Variants in ARPP21 observed in about 807,000 individuals in gnomAD.
The protein encoded by ARPP21 is cAMP regulated phosphoprotein 21.
ARPP21 carries 69 observed loss-of-function variants against 113.2 expected under a neutral mutation model. That is an observed-to-expected ratio of 0.61 (90% CI 0.50 to 0.74). The LOEUF is 0.74. Ranked by LOEUF, ARPP21 falls within the 30% of genes least tolerant of loss-of-function variation. The pLI, the probability that ARPP21 is intolerant of heterozygous loss-of-function variation, is 0.00. For missense variants in ARPP21, 1,070 were observed against 1,037.4 expected (o/e 1.03, Z -0.43); for synonymous variants, 368 against 375.5 (o/e 0.98, Z 0.23).
chr3:35,691,133 T>C lies in ARPP21; in HGVS notation c.686+128T>C, dbSNP rs866882839. Reference sequence around the variant, plus strand: ...CAGTGTTATTTATCTCTTGCTCTTATCAGAAGTAGTGTGGCATTTATCTGT... The same window carrying C: ...CAGTGTTATTTATCTCTTGCTCTTACCAGAAGTAGTGTGGCATTTATCTGT... On this transcript the variant is annotated intron_variant, in intron 9 of 20. Transcript: ENST00000684406. 18 of 1,001,442 alleles carry C rather than the reference T, an allele frequency of 1.8e-5. 1 individual carries two copies. In the Middle Eastern group the frequency reaches 3.3e-3, roughly 186 times the overall value. The allele number at this position is 1,001,442 out of a possible 1,614,324, so 62.0% of individuals were successfully genotyped here. A position where few individuals can be genotyped will look rare whatever the true frequency, so the allele number is the denominator to read the frequency against.
intron 19 of ARPP21, among the ~76,000 whole-genome samples, chr3:35,756,866 C>T (rs1353087349): frequency 2.6e-5 from 4 of 152,152 alleles, no homozygotes; most frequent in South Asian, 4.1e-4. Context: ...TGCAGTAGAA[C>T]ACACATTTTG....
intron 19 of ARPP21, among the ~76,000 whole-genome samples, chr3:35,790,853 A>G (rs1420246298): frequency 6.6e-6 from 1 of 152,218 alleles, no homozygotes; most frequent in Admixed American, 6.5e-5. Flanking sequence ...CACTATGAAG[A>G]TAATTTAGGG....
At chr3:35,720,248 C>T (rs2092922287) in intron 13 of ARPP21, among the ~76,000 whole-genome samples, 1 of 152,196 alleles carries the variant, frequency 6.6e-6, no homozygotes, top group Admixed American at 6.5e-5. Context: ...ACCCCTTCCT[C>T]CCTTTGCTTT....
At chr3:35,749,810 C>T (rs1192409021) in intron 19 of ARPP21, among the ~76,000 whole-genome samples, 15 of 152,148 alleles carry the variant, frequency 9.9e-5, no homozygotes, top group African/African-American at 1.7e-4. Flanking sequence ...TTAAGGTCTT[C>T]GCCCATTTCT....
intron 10 of ARPP21, among the ~76,000 whole-genome samples, chr3:35,708,101 G>A (rs902147051): frequency 5.9e-5 from 9 of 151,644 alleles, no homozygotes; most frequent in African/African-American, 2.2e-4. Flanking sequence ...TTTGTATCTC[G>A]TTTCCTCCCA....
At chr3:35,669,274 T>G (rs1452078162) in intron 1 of ARPP21, among the ~76,000 whole-genome samples, 1 of 152,138 alleles carries the variant, frequency 6.6e-6, no homozygotes, top group African/African-American at 2.4e-5. Flanking sequence ...ACAAAAAGAT[T>G]CCACTTCTGA....
At chr3:35,762,126 T>TCTCTCTCA (rs1424526664) in intron 19 of ARPP21, among the ~76,000 whole-genome samples, 38 of 127,026 alleles carry the variant, frequency 3.0e-4, no homozygotes, top group African/African-American at 1.0e-3. Flanking sequence ...TCTCTCTCTC[T>TCTCTCTCA]CACACACACA....
chr3:35,687,485 CA>C (rs1242695905), intron 5 of ARPP21, among the ~76,000 whole-genome samples: 3 of 150,908 alleles, frequency 2.0e-5, no homozygotes, highest in African/African-American at 7.3e-5. Context: ...TACAGGAATT[CA>C]ACTTGGTTAA....
In ARPP21 at chr3:35,792,545, C is replaced by A; in HGVS notation, c.2286+15C>A. 1.9e-6 allele frequency: 3 copies of A among 1,613,720 alleles called. No individual in the cohort carries two copies. The highest frequency in any genetic ancestry group is 2.5e-6 in the Non-Finnish European group (3 of 1,179,710). ...CTTCTTATCAGGTGCTCATAAGCAG[C>A]TTGGAAAATTGTGGGTTTTAAAGTA... On this transcript the variant is annotated intron_variant, in intron 20 of 20. Transcript: ENST00000684406.
chr3:35,679,279 C>G (rs1252171110), intron 1 of ARPP21, among the ~76,000 whole-genome samples: 1 of 151,708 alleles, frequency 6.6e-6, no homozygotes, highest in Non-Finnish European at 1.5e-5. Flanking sequence ...TTTTTTTTAA[C>G]TTTTATAGAG....
At chr3:35,793,019 A>G (rs557125259) in intron 20 of ARPP21, among the ~76,000 whole-genome samples, 4 of 152,332 alleles carry the variant, frequency 2.6e-5, no homozygotes, top group African/African-American at 9.6e-5. Flanking sequence ...AAGTATTTTA[A>G]AAGTGTTATG....
intron 12 of ARPP21, 110 bp downstream of exon 12, chr3:35,715,586 T>TCTGC: frequency 5.3e-5 from 44 of 833,700 alleles, no homozygotes; most frequent in Non-Finnish European, 8.0e-5. Context: ...AATATATGTA[T>TCTGC]TAGCAGATAC....
chr3:35,731,753 T>C (rs2093991513), intron 15 of ARPP21, among the ~76,000 whole-genome samples: 1 of 152,132 alleles, frequency 6.6e-6, no homozygotes, highest in Non-Finnish European at 1.5e-5. Context: ...AACTCATCTT[T>C]TTCTGTCATT....
At chr3:35,667,906 A>AG (rs1200571388) in intron 1 of ARPP21, among the ~76,000 whole-genome samples, 24 of 74,380 alleles carry the variant, frequency 3.2e-4, no homozygotes, top group African/African-American at 1.5e-3. Flanking sequence ...AGGAAGAGGA[A>AG]GAGGAAGGAG....
intron 12 of ARPP21, among the ~76,000 whole-genome samples, chr3:35,716,375 T>G (rs1385122415): frequency 6.6e-6 from 1 of 152,050 alleles, no homozygotes; most frequent in Non-Finnish European, 1.5e-5. Flanking sequence ...ATGCCAGTAC[T>G]CAGAGAAATT....
intron 19 of ARPP21, among the ~76,000 whole-genome samples, chr3:35,763,065 G>A (rs1385379036): frequency 1.3e-5 from 2 of 152,084 alleles, no homozygotes; most frequent in Non-Finnish European, 2.9e-5. Context: ...CATAAATATA[G>A]TATCAGACAG....
intron 1 of ARPP21, among the ~76,000 whole-genome samples, chr3:35,672,806 C>T (rs1428670505): frequency 2.6e-5 from 4 of 152,036 alleles, no homozygotes; most frequent in Non-Finnish European, 2.9e-5. Flanking sequence ...GCCAACTTAA[C>T]ACTAAAGATA....
intron 17 of ARPP21, 111 bp from the exon 18 acceptor site, chr3:35,739,206 C>T (rs1168362885): frequency 1.6e-6 from 2 of 1,274,468 alleles, no homozygotes; most frequent in South Asian, 1.5e-5. Context: ...CCAAATTGTA[C>T]TTCCTGTCTC....
At chr3:35,672,604 A>G (rs1197355139) in intron 1 of ARPP21, among the ~76,000 whole-genome samples, 3 of 152,058 alleles carry the variant, frequency 2.0e-5, no homozygotes, top group Non-Finnish European at 4.4e-5. Context: ...TGTGCCAGGC[A>G]CTATTCTTAG....
Sources: gnomAD v4.1 joint callset for allele counts (sites outside exome capture counted in the v4.1 genomes callset) on GRCh38, gnomAD v4.1.1 for gene constraint, MANE v1.5 for transcripts, NCBI Gene and HGNC (gene_info 2026-07-23, HGNC 2026-07-21) for gene names.